Variants in TG observed in about 807,000 individuals in gnomAD.
The protein encoded by TG is thyroid hormones.
Under a neutral mutation model 324.7 loss-of-function variants are expected in TG, and 270 were observed. The observed-to-expected ratio is 0.83, with a 90% CI of 0.75 to 0.92. The LOEUF is 0.92. Ranked by LOEUF, TG falls within the 40% of genes least tolerant of loss-of-function variation. TG has a pLI of 0.00. For missense variants in TG, 3,591 were observed against 3,456.4 expected, an observed-to-expected ratio of 1.04 and a Z score of -0.98; for synonymous variants, 1,401 against 1,327.0, an observed-to-expected ratio of 1.06 and a Z score of -1.21.
intron 41 of TG, chr8:133,040,358 G>A: frequency 1.9e-6 from 1 of 531,974 alleles, no homozygotes; most frequent in Non-Finnish European, 3.4e-6. Flanking sequence ...CCAGGCATGG[G>A]CAGAGAGAGA....
chr8:133,014,742 G>T (rs910019349), intron 37 of TG, among the ~76,000 whole-genome samples: 3 of 152,116 alleles, frequency 2.0e-5, no homozygotes, highest in African/African-American at 7.2e-5. Context: ...TTCCTCTTCT[G>T]CCCCCTCCTC....
At chr8:132,993,395 T>C (rs1164882840) in intron 35 of TG, among the ~76,000 whole-genome samples, 1 of 152,194 alleles carries the variant, frequency 6.6e-6, no homozygotes, top group Non-Finnish European at 1.5e-5. Context: ...GTTTAAAGAA[T>C]CTTTCTGCAT....
At chr8:132,972,884 T>C in intron 34 of TG, 143 bp downstream of exon 34, 1 of 1,149,832 alleles carries the variant, frequency 8.7e-7, no homozygotes, top group Admixed American at 2.0e-5. Flanking sequence ...TCTGTTTAAC[T>C]TAAGCAGACA....
rs376480562 is a variant in TG, at chr8:132,866,961, C to G, written c.-40C>G. The G allele has an allele frequency of 7.2e-5, 110 of 1,519,710 alleles. 1 individual carries two copies. In the African/African-American group the frequency reaches 1.1e-3, roughly 15 times the overall value. 94.1% of individuals were successfully genotyped at this position (1,519,710 alleles called of 1,614,324 possible). A position where few individuals can be genotyped will look rare whatever the true frequency, so the allele number is the denominator to read the frequency against. ...CCCTGGCCAGGGGACCTAGGGCAAG[C>G]AGTGGTTTCTCCTCCTTCCTCCCAG... On this transcript the variant is annotated 5_prime_UTR_variant, in exon 1 of 48. Transcript: ENST00000220616.
At chr8:133,102,279 G>T (rs560304266) in intron 43 of TG, 1 of 384,834 alleles carries the variant, frequency 2.6e-6, no homozygotes, top group Non-Finnish European at 4.7e-6. Context: ...TCATGCCAAC[G>T]CTGCATAAGT....
At chr8:132,974,235 C>A (rs1829917378) in intron 34 of TG, among the ~76,000 whole-genome samples, 1 of 152,088 alleles carries the variant, frequency 6.6e-6, no homozygotes, top group African/African-American at 2.4e-5. Context: ...CTCAGGTGAT[C>A]CACCCGCCTC....
At chr8:132,891,413 C>T (rs1422638526) in intron 10 of TG, among the ~76,000 whole-genome samples, 1 of 152,182 alleles carries the variant, frequency 6.6e-6, no homozygotes, top group African/African-American at 2.4e-5. Flanking sequence ...CAGTTCACTG[C>T]AGCCTCAACC....
At chr8:132,996,844 C>A (rs1832932651) in intron 35 of TG, among the ~76,000 whole-genome samples, 1 of 152,056 alleles carries the variant, frequency 6.6e-6, no homozygotes, top group Non-Finnish European at 1.5e-5. Flanking sequence ...GTCAATAGTG[C>A]TGTTCACACT....
At chr8:133,120,666 C>T (rs1851073449) in intron 45 of TG, among the ~76,000 whole-genome samples, 1 of 152,188 alleles carries the variant, frequency 6.6e-6, no homozygotes, top group African/African-American at 2.4e-5. Context: ...TCCCCATCAC[C>T]CATATTGGTT....
intron 43 of TG, among the ~76,000 whole-genome samples, chr8:133,107,974 C>T (rs7011285): frequency 6.3e-5 from 9 of 142,664 alleles, no homozygotes; most frequent in East Asian, 2.0e-4. Flanking sequence ...TTTTTCTTTT[C>T]TTTTCTTCTT....
At chr8:132,972,494 G>A (rs1055795995) in intron 33 of TG, 104 bp from the exon 34 acceptor site, 2 of 1,344,202 alleles carry the variant, frequency 1.5e-6, no homozygotes, top group Non-Finnish European at 2.1e-6. Flanking sequence ...TATCCCAAAT[G>A]TCTGCTGAAC....
intron 39 of TG, among the ~76,000 whole-genome samples, chr8:133,020,063 A>G (rs562801348): frequency 6.6e-6 from 1 of 152,370 alleles, no homozygotes; most frequent in East Asian, 1.9e-4. Flanking sequence ...ATTGATTGAC[A>G]GAAAAATGGA....
intron 35 of TG, among the ~76,000 whole-genome samples, chr8:133,009,155 G>T (rs1415918106): frequency 6.6e-6 from 1 of 152,218 alleles, no homozygotes; most frequent in African/African-American, 2.4e-5. Context: ...TAAACACAGA[G>T]TATGGCCAAG....
chr8:133,081,578 G>A (rs1845748932), intron 41 of TG, among the ~76,000 whole-genome samples: 1 of 143,296 alleles, frequency 7.0e-6, no homozygotes, highest in Non-Finnish European at 1.5e-5. Flanking sequence ...ATTATTCTCA[G>A]GAAGAAGAAG....
intron 22 of TG, among the ~76,000 whole-genome samples, chr8:132,926,846 T>C (rs1004033260): frequency 1.3e-5 from 2 of 152,232 alleles, no homozygotes; most frequent in Non-Finnish European, 2.9e-5. Context: ...GGACTCGAGC[T>C]GAGGGCTCAC....
rs751500175 is a variant in TG at position 133,013,608 on chromosome 8, C to G, written c.6406C>G (p.Gln2136Glu). The G allele has an allele frequency of 2.5e-6, 4 of 1,614,162 alleles. No homozygotes were observed. The South Asian group carries it at 4.4e-5, about 18-fold the overall frequency. Residue 2136 changes from glutamine (Q) to glutamate (E), a missense_variant, in exon 37 of 48, where the codon CAA becomes GAA. Transcript: ENST00000220616. ...VRDLCLSECS[Q>E]HEACLITTLQ... is the part of the protein sequence containing the mutation. ...CTCCCTCTTTTCTGCAGAATGTTCCCAACATGAGGCCTGTCTCATCACCAC... is the reference window on the plus strand; with the variant it reads ...CTCCCTCTTTTCTGCAGAATGTTCCGAACATGAGGCCTGTCTCATCACCAC...
Position 132,964,583 on chromosome 8 carries a change from A to G in TG, c.5548+1509A>G, listed in dbSNP as rs1828263716. On this transcript the variant is annotated intron_variant, in intron 29 of 47. Coordinates refer to ENST00000220616, the MANE Select transcript of TG (RefSeq NM_003235.5). ...TCTGAATGTTTGAGACAAACCCAGG[A>G]AGCCAACGAGAGTGATTGGTCTCAT... 1.3e-5 allele frequency: 4 copies of G among 304,898 alleles called. No individual in the cohort carries two copies. In the South Asian group the frequency reaches 2.2e-4, roughly 17 times the overall value. The allele number at this position is 304,898 out of a possible 1,614,324, so 18.9% of individuals were successfully genotyped here. A position where few individuals can be genotyped will look rare whatever the true frequency, so the allele number is the denominator to read the frequency against.
In TG at chr8:132,932,889, C is replaced by T. The variant is rs1222287006; in HGVS notation, c.4817-672C>T. Among the ~76,000 whole-genome samples the T allele has an allele frequency of 4.6e-5, 7 of 152,306 alleles. No homozygotes were observed. In the East Asian group the frequency reaches 1.4e-3, roughly 29 times the overall value. On this transcript the variant is annotated intron_variant, in intron 23 of 47. Coordinates refer to ENST00000220616, the MANE Select transcript of TG (RefSeq NM_003235.5). Reference sequence around the variant, plus strand: ...CAATGGATACCTAGATTTGGCTCCTCATAGAATAGAAGCAATTAAAATGTA... The same window carrying T: ...CAATGGATACCTAGATTTGGCTCCTTATAGAATAGAAGCAATTAAAATGTA...
chr8:133,103,542 T>A (rs74337156), intron 43 of TG, among the ~76,000 whole-genome samples: 9,873 of 152,290 alleles, frequency 0.065, 1,075 homozygotes, highest in African/African-American at 0.22. Context: ...ATGACTGCAT[T>A]GTTATAAGGA....
Sources: gnomAD v4.1 joint callset for allele counts (sites outside exome capture counted in the v4.1 genomes callset) on GRCh38, gnomAD v4.1.1 for gene constraint, MANE v1.5 for transcripts, NCBI Gene and HGNC (gene_info 2026-07-23, HGNC 2026-07-21) for gene names.